The following FSTL4 variants were observed in gnomAD, a reference collection of about 807,000 sequenced individuals.
FSTL4 encodes the protein follistatin like 4, also known as follistatin-related protein 4.
In FSTL4, 28 loss-of-function variants were observed where a neutral mutation model predicts 78.2. The observed-to-expected ratio is 0.36, with a 90% CI of 0.27 to 0.49. FSTL4 has a LOEUF of 0.49. Ranked by LOEUF, FSTL4 falls within the 20% of genes least tolerant of loss-of-function variation. The pLI, the probability that FSTL4 is intolerant of heterozygous loss-of-function variation, is 0.98. For missense variants in FSTL4, 922 were observed against 1,084.9 expected (o/e 0.85, Z 2.11); for synonymous variants, 422 against 440.5 (o/e 0.96, Z 0.53).
chr5:133,801,077 C>T, the FSTL4 span, among the ~76,000 whole-genome samples: 2 of 152,132 alleles, frequency 1.3e-5, no homozygotes, highest in African/African-American at 4.8e-5. Flanking sequence ...GTCGCCTTCA[C>T]CTGGTCGGGT....
intron 6 of FSTL4, among the ~76,000 whole-genome samples, chr5:133,277,745 G>A (rs1182420015): frequency 6.6e-6 from 1 of 152,134 alleles, no homozygotes; most frequent in South Asian, 2.1e-4. Context: ...CTGACTCTGG[G>A]GGATCCTGGG....
the FSTL4 span, among the ~76,000 whole-genome samples, chr5:133,833,010 T>C: frequency 9.9e-5 from 15 of 152,162 alleles, no homozygotes; most frequent in African/African-American, 3.4e-4. Context: ...CCTTATAGAA[T>C]GCACAAAAAA....
At chr5:133,323,603 G>T (rs930461602) in intron 4 of FSTL4, among the ~76,000 whole-genome samples, 2 of 152,216 alleles carry the variant, frequency 1.3e-5, no homozygotes, top group African/African-American at 4.8e-5. Flanking sequence ...CACTGACAGC[G>T]TCATTGGCAG....
chr5:133,382,056 C>T (rs1424967095), intron 4 of FSTL4, among the ~76,000 whole-genome samples: 2 of 152,244 alleles, frequency 1.3e-5, no homozygotes, highest in Non-Finnish European at 2.9e-5. Flanking sequence ...TCCTGCACTT[C>T]CTCCCGGTCA....
intron 3 of FSTL4, chr5:133,458,187 C>T (rs1029661897): frequency 1.3e-5 from 2 of 152,166 alleles, no homozygotes; most frequent in African/African-American, 4.8e-5. Context: ...ACACATTCCG[C>T]CCACAGAAAA....
At chr5:133,620,970 T>C in the FSTL4 span, among the ~76,000 whole-genome samples, 37,490 of 152,172 alleles carry the variant, frequency 0.25, 5,965 homozygotes, top group African/African-American at 0.46. Context: ...GATACTTGCA[T>C]ATGCATGTTT....
At chr5:133,481,849 T>A (rs1758035607) in intron 3 of FSTL4, among the ~76,000 whole-genome samples, 1 of 152,126 alleles carries the variant, frequency 6.6e-6, no homozygotes, top group Non-Finnish European at 1.5e-5. Context: ...GCAGTCATAA[T>A]AAAAAGGGCT....
intron 6 of FSTL4, among the ~76,000 whole-genome samples, chr5:133,268,873 T>A (rs539753606): frequency 5.3e-4 from 81 of 152,266 alleles, no homozygotes; most frequent in Admixed American, 3.7e-3. Context: ...TGTTTTGGTT[T>A]CAAATAGAAT....
the FSTL4 span, among the ~76,000 whole-genome samples, chr5:133,817,889 A>G: frequency 2.0e-5 from 3 of 152,240 alleles, no homozygotes; most frequent in Non-Finnish European, 4.4e-5. Flanking sequence ...CTATGATGCC[A>G]GCAAAAACAG....
intron 4 of FSTL4, among the ~76,000 whole-genome samples, chr5:133,382,113 C>G (rs1456926411): frequency 6.6e-6 from 1 of 152,192 alleles, no homozygotes; most frequent in African/African-American, 2.4e-5. Flanking sequence ...TGCCCAGATA[C>G]CCCCTGAAGA....
chr5:133,553,355 T>C (rs1355342975), intron 3 of FSTL4, among the ~76,000 whole-genome samples: 3 of 152,174 alleles, frequency 2.0e-5, no homozygotes, highest in Non-Finnish European at 4.4e-5. Flanking sequence ...CCTAAGCTTT[T>C]CAAGGACTGT....
At chr5:133,367,148 G>C (rs1395956099) in intron 4 of FSTL4, among the ~76,000 whole-genome samples, 1 of 152,110 alleles carries the variant, frequency 6.6e-6, no homozygotes, top group African/African-American at 2.4e-5. Flanking sequence ...ACTAGGAAAG[G>C]ATGAGACAGA....
chr5:133,447,188 C>G (rs1456417922), intron 3 of FSTL4, among the ~76,000 whole-genome samples: 1 of 152,314 alleles, frequency 6.6e-6, no homozygotes, highest in East Asian at 1.9e-4. Context: ...GGTGTCACCA[C>G]CAGCCTGTGT....
intron 4 of FSTL4, among the ~76,000 whole-genome samples, chr5:133,326,418 G>A (rs1304780788): frequency 6.6e-6 from 1 of 152,170 alleles, no homozygotes; most frequent in East Asian, 1.9e-4. Context: ...GTAACCCACT[G>A]CCGCTGTCCC....
chr5:133,687,644 C>G, the FSTL4 span, among the ~76,000 whole-genome samples: 1 of 152,208 alleles, frequency 6.6e-6, no homozygotes, highest in African/African-American at 2.4e-5. Context: ...GTTGCCAAAA[C>G]CAGAAGGTGG....
chr5:133,363,676 G>C (rs1338235290), intron 4 of FSTL4, among the ~76,000 whole-genome samples: 1 of 152,160 alleles, frequency 6.6e-6, no homozygotes, highest in African/African-American at 2.4e-5. Flanking sequence ...CAGTGTACTT[G>C]GCAATACAGC....
chr5:133,343,806 T>C lies in FSTL4; in HGVS notation c.410-27154A>G, dbSNP rs141667532. Among the ~76,000 whole-genome samples, 10 of 152,316 alleles carry C rather than the reference T, an allele frequency of 6.6e-5. No individual in the cohort carries two copies. The East Asian group carries it at 1.9e-3, about 29-fold the overall frequency. On this transcript the variant is annotated intron_variant, in intron 4 of 15. Transcript: ENST00000265342. ...TAGATTTTGAATTTCCTTAAGCAAG[T>C]TCTATTTAGTTGAGGCCAGAATCTC...
At chr5:133,737,905 A>G in the FSTL4 span, among the ~76,000 whole-genome samples, 1 of 151,852 alleles carries the variant, frequency 6.6e-6, no homozygotes, top group Non-Finnish European at 1.5e-5. Context: ...GCCCGGCCTG[A>G]TTTCCTTTCT....
At chr5:133,330,923 T>C (rs1240710200) in intron 4 of FSTL4, among the ~76,000 whole-genome samples, 1 of 152,050 alleles carries the variant, frequency 6.6e-6, no homozygotes, top group East Asian at 1.9e-4. Flanking sequence ...GAAGTGTGAG[T>C]GTGTCCCTGT....
Sources: allele counts gnomAD v4.1 joint callset (sites outside exome capture counted in the v4.1 genomes callset), GRCh38; gene constraint gnomAD v4.1.1; transcripts MANE v1.5; gene names NCBI Gene and HGNC (gene_info 2026-07-23, HGNC 2026-07-21).